The following GREB1L variants were observed in gnomAD, a reference collection of about 807,000 sequenced individuals.
GREB1L encodes the protein GREB1 like retinoic acid receptor coactivator.
A neutral mutation model predicts 200.8 loss-of-function variants in GREB1L; 17 were observed. The ratio of observed to expected loss-of-function variants is 0.08; its 90% CI spans 0.06 to 0.13. GREB1L has a LOEUF of 0.13. GREB1L is among the 10% of genes least tolerant of loss of function. GREB1L has a pLI of 1.00. For missense variants in GREB1L, 1,657 were observed against 2,367.7 expected, an observed-to-expected ratio of 0.70 and a Z score of 6.23; for synonymous variants, 789 against 893.0, an observed-to-expected ratio of 0.88 and a Z score of 2.08.
At chr18:21,434,523 G>GTATATATA in intron 7 of GREB1L, among the ~76,000 whole-genome samples, 1 of 129,044 alleles carries the variant, frequency 7.7e-6, no homozygotes, top group African/African-American at 3.8e-5. Flanking sequence ...GTGTGTGTGT[G>GTATATATA]TGTGTGTGTA....
intron 19 of GREB1L, among the ~76,000 whole-genome samples, chr18:21,494,677 A>G (rs1217183302): frequency 6.6e-6 from 1 of 152,162 alleles, no homozygotes; most frequent in African/African-American, 2.4e-5. Context: ...GTTCCCCTAA[A>G]ACGTTATCAG....
chr18:21,331,533 T>G (rs1230833803), intron 1 of GREB1L, among the ~76,000 whole-genome samples: 1 of 152,234 alleles, frequency 6.6e-6, no homozygotes, highest in African/African-American at 2.4e-5. Context: ...TAAAATCTTC[T>G]TATTCTGTTG....
intron 7 of GREB1L, among the ~76,000 whole-genome samples, chr18:21,430,581 C>CTTTTTTTTT (rs147151717): frequency 3.3e-5 from 2 of 60,192 alleles, no homozygotes; most frequent in Non-Finnish European, 6.2e-5. Flanking sequence ...GATTTGGGAT[C>CTTTTTTTTT]TTTTTTTTTT....
chr18:21,363,123 G>A (rs16941240), intron 1 of GREB1L, among the ~76,000 whole-genome samples: 2,523 of 152,280 alleles, frequency 0.017, 164 homozygotes, highest in East Asian at 0.11. Context: ...CAGTAGAATT[G>A]AGTCAGCATT....
chr18:21,513,259 A>G (rs1258301690), intron 27 of GREB1L, among the ~76,000 whole-genome samples: 1 of 152,204 alleles, frequency 6.6e-6, no homozygotes, highest in Admixed American at 6.5e-5. Flanking sequence ...CAAAAGGCAG[A>G]TCTAGGGAAA....
chr18:21,325,809 G>C (rs1226121438), intron 1 of GREB1L, among the ~76,000 whole-genome samples: 2 of 88,796 alleles, frequency 2.3e-5, no homozygotes, highest in Non-Finnish European at 3.9e-5. Context: ...GCAAGACCTT[G>C]TCTCAAAAAA....
At chr18:21,311,382 T>C (rs1405769523) in intron 1 of GREB1L, among the ~76,000 whole-genome samples, 2 of 152,194 alleles carry the variant, frequency 1.3e-5, no homozygotes, top group African/African-American at 4.8e-5. Context: ...AGAGGTTTAT[T>C]CTAAGTTGGT....
At chr18:21,286,572 A>G (rs2038361047) in intron 1 of GREB1L, among the ~76,000 whole-genome samples, 1 of 152,256 alleles carries the variant, frequency 6.6e-6, no homozygotes. Context: ...GAGCAACAGC[A>G]GAAGTATTCA....
intron 3 of GREB1L, 24 bp downstream of exon 3, chr18:21,383,699 T>A: frequency 6.5e-7 from 1 of 1,545,550 alleles, no homozygotes; most frequent in Non-Finnish European, 8.7e-7. Context: ...TCACACACAT[T>A]TCTGGATTCT....
intron 1 of GREB1L, among the ~76,000 whole-genome samples, chr18:21,245,563 A>G (rs1208133930): frequency 6.6e-6 from 1 of 152,154 alleles, no homozygotes; most frequent in African/African-American, 2.4e-5. Flanking sequence ...CCTGTTTTTT[A>G]TAAACATTTT....
chr18:21,246,005 A>G (rs2037594084), intron 1 of GREB1L, among the ~76,000 whole-genome samples: 1 of 152,224 alleles, frequency 6.6e-6, no homozygotes, highest in South Asian at 2.1e-4. Flanking sequence ...TACAGGCGTG[A>G]GCCACCATGC....
chr18:21,259,157 T>C (rs1200206494), intron 1 of GREB1L, among the ~76,000 whole-genome samples: 1 of 152,122 alleles, frequency 6.6e-6, no homozygotes, highest in Non-Finnish European at 1.5e-5. Flanking sequence ...AATTCTATCC[T>C]AGATTAAGGT....
At chr18:21,427,486 T>C (rs1046154213) in intron 7 of GREB1L, among the ~76,000 whole-genome samples, 6 of 145,068 alleles carry the variant, frequency 4.1e-5, no homozygotes, top group East Asian at 2.0e-4. Context: ...GCTTGGGCAA[T>C]AGAGTGAGAC....
At chr18:21,401,417 A>G in intron 6 of GREB1L, 91 bp downstream of exon 6, 1 of 1,075,370 alleles carries the variant, frequency 9.3e-7, no homozygotes, top group Non-Finnish European at 1.3e-6. Flanking sequence ...CAGGTGGGAT[A>G]CAGATAAATA....
chr18:21,395,255 G>GATAC, intron 4 of GREB1L, 130 bp from the exon 5 acceptor site: 1 of 659,170 alleles, frequency 1.5e-6, no homozygotes, highest in South Asian at 2.0e-5. Flanking sequence ...TTGGAGTATA[G>GATAC]GGGTATAGGG....
At chr18:21,367,154 A>G (rs1010332619) in intron 2 of GREB1L, among the ~76,000 whole-genome samples, 1 of 152,168 alleles carries the variant, frequency 6.6e-6, no homozygotes, top group Admixed American at 6.6e-5. Context: ...TTACTTAGTA[A>G]AAGGAGCAGC....
At chr18:21,440,210 T>G (rs1451675422) in intron 8 of GREB1L, 59 bp from the exon 9 acceptor site, 1 of 1,527,724 alleles carries the variant, frequency 6.5e-7, no homozygotes, top group African/African-American at 1.4e-5. Flanking sequence ...TTCTTTCCTT[T>G]CTTCCACATG....
chr18:21,405,792 C>T (rs762162836), intron 7 of GREB1L, among the ~76,000 whole-genome samples: 26 of 151,854 alleles, frequency 1.7e-4, no homozygotes, highest in Non-Finnish European at 3.1e-4. Flanking sequence ...TGGAGTGAGA[C>T]TCTGTCGCAA....
Position 21,449,686 on chromosome 18 carries a change from G to A in GREB1L, c.1570G>A (p.Val524Met), listed in dbSNP as rs1372598805. 6.4e-7 allele frequency: 1 copy of A among 1,551,706 alleles called. No homozygotes were observed. The highest frequency in any genetic ancestry group is 8.7e-7 in the Non-Finnish European group (1 of 1,146,986). ...IASVSQDLVH[V>M]VVTQNSLAEG... Reference sequence around the variant, plus strand: ...CAGCGTATCTCAAGACTTGGTTCATGTGGTTGTGACCCAGAACTCTTTGGC... The same window carrying A: ...CAGCGTATCTCAAGACTTGGTTCATATGGTTGTGACCCAGAACTCTTTGGC... The change falls in exon 12 of 33, where the codon GTG becomes ATG. Residue 524 changes from valine (V) to methionine (M), a missense_variant. By Grantham distance (21) the Val-to-Met change is conservative (BLOSUM62 1). Transcript: ENST00000424526.
Sources: gnomAD v4.1 joint callset for allele counts (sites outside exome capture counted in the v4.1 genomes callset) on GRCh38, gnomAD v4.1.1 for gene constraint, MANE v1.5 for transcripts, NCBI Gene and HGNC (gene_info 2026-07-23, HGNC 2026-07-21) for gene names.